VEPH1: variants seen among roughly 807,000 people sequenced by gnomAD.
VEPH1 encodes the protein ventricular zone expressed PH domain containing 1, also known as ventricular zone-expressed PH domain-containing protein homolog 1.
Under a neutral mutation model 85.2 loss-of-function variants are expected in VEPH1, and 80 were observed. That is an observed-to-expected ratio of 0.94 (90% confidence interval 0.78 to 1.13). The LOEUF (loss-of-function observed/expected upper bound fraction) is 1.13, where lower values mean the gene tolerates loss of function less well. Ranked by LOEUF, VEPH1 falls within the 50% of genes most tolerant of loss-of-function variation. VEPH1 has a pLI of 0.00. For synonymous variants in VEPH1, 297 were observed against 348.0 expected (o/e 0.85, Z 1.63); for missense variants, 955 against 980.5 (o/e 0.97, Z 0.35).
In VEPH1 at chr3:157,489,709, G is replaced by A. The variant is rs556286686; in HGVS notation, c.138+5503C>T. 7.9e-5 allele frequency among the ~76,000 whole-genome samples: 7 copies of A among 88,214 alleles called. No homozygotes were observed. In the South Asian group the frequency reaches 1.9e-3, roughly 24 times the overall value. The allele number at this position is 88,214 out of a possible 152,430, so 57.9% of individuals were successfully genotyped here. A position where few individuals can be genotyped will look rare whatever the true frequency, so the allele number is the denominator to read the frequency against. ...ACCCAATTAAATGGATGATGTCAGA[G>A]GGCTTTTTTTTTTTGTCTTTTTTGA... On this transcript the variant is annotated intron_variant, in intron 2 of 13. Coordinates refer to ENST00000362010, the MANE Select transcript of VEPH1 (RefSeq NM_001167912.2).
chr3:157,450,821 G>A (rs866113178), intron 4 of VEPH1, among the ~76,000 whole-genome samples: 5 of 152,030 alleles, frequency 3.3e-5, no homozygotes, highest in African/African-American at 7.2e-5. Flanking sequence ...AGGTCATTAC[G>A]CATTTATAAA....
At chr3:157,303,649 C>T (rs1045160318) in intron 11 of VEPH1, among the ~76,000 whole-genome samples, 37 of 152,300 alleles carry the variant, frequency 2.4e-4, no homozygotes, top group African/African-American at 7.7e-4. Context: ...CCACATTCCA[C>T]CTTCAATCTG....
intron 1 of VEPH1, among the ~76,000 whole-genome samples, chr3:157,496,988 A>G (rs956365532): frequency 1.3e-5 from 2 of 152,224 alleles, no homozygotes; most frequent in Admixed American, 1.3e-4. Flanking sequence ...TCATAACTAT[A>G]TGAAAATATG....
At chr3:157,481,467 A>ACACACACACAC (rs60293047) in intron 2 of VEPH1, among the ~76,000 whole-genome samples, 432 of 53,176 alleles carry the variant, frequency 8.1e-3, no homozygotes, top group African/African-American at 0.011. Flanking sequence ...CACACACACA[A>ACACACACACAC]AAAAAAAAAA....
At position 157,464,810 on chromosome 3, in the gene VEPH1, C is replaced by T. The variant is rs368253302; in HGVS notation, c.355-4455G>A. On this transcript the variant is annotated intron_variant, in intron 3 of 13. Coordinates refer to ENST00000362010, the MANE Select transcript of VEPH1 (RefSeq NM_001167912.2). ...ACTAAAAAGCTCTTTGGCTCTTAGG[C>T]CTTGAATTCAAGTAAGAACCATAAA... Among the ~76,000 whole-genome samples the T allele has an allele frequency of 5.6e-4, 85 of 152,018 alleles. 1 individual carries two copies. The highest frequency in any genetic ancestry group is 9.6e-4 in the Non-Finnish European group (65 of 67,986).
At chr3:157,471,234 T>C (rs188947946) in intron 2 of VEPH1, among the ~76,000 whole-genome samples, 1 of 152,302 alleles carries the variant, frequency 6.6e-6, no homozygotes, top group East Asian at 1.9e-4. Context: ...GACATCATCA[T>C]GTGAGATTAG....
At position 157,348,762 on chromosome 3, in the gene VEPH1, T is replaced by C. The variant is rs1377379970; in HGVS notation, c.1735+14602A>G. Among the ~76,000 whole-genome samples, 8 of 152,322 alleles carry C rather than the reference T, an allele frequency of 5.3e-5. No homozygotes were observed. The East Asian group carries it at 1.5e-3, about 29-fold the overall frequency. On this transcript the variant is annotated intron_variant, in intron 9 of 13. Transcript: ENST00000362010. ...ACTCCCCTGCTGCACTTCCGTGCTC[T>C]CCCTTCCACACTCCAGTCAAATTTT...
chr3:157,262,224 T>C (rs1713001487), intron 13 of VEPH1, among the ~76,000 whole-genome samples: 2 of 152,130 alleles, frequency 1.3e-5, no homozygotes, highest in Non-Finnish European at 2.9e-5. Context: ...ATTCCAACTA[T>C]TGACATCAGG....
chr3:157,330,183 A>G (rs1216574019), intron 9 of VEPH1, among the ~76,000 whole-genome samples: 1 of 152,224 alleles, frequency 6.6e-6, no homozygotes, highest in African/African-American at 2.4e-5. Context: ...TCTTTACATC[A>G]TAACAACTTC....
intron 9 of VEPH1, among the ~76,000 whole-genome samples, chr3:157,360,557 C>T (rs1725937867): frequency 6.6e-6 from 1 of 151,906 alleles, no homozygotes; most frequent in Admixed American, 6.6e-5. Context: ...GTTATGTCCC[C>T]ATAACCCCAT....
chr3:157,397,345 G>A (rs372586451), intron 6 of VEPH1, among the ~76,000 whole-genome samples: 40 of 152,310 alleles, frequency 2.6e-4, no homozygotes, highest in South Asian at 6.2e-4. Context: ...TTGTAGTACA[G>A]TTTGAAGTTG....
intron 6 of VEPH1, chr3:157,409,956 G>A: frequency 1.1e-5 from 11 of 982,490 alleles, no homozygotes; most frequent in Non-Finnish European, 1.3e-5. Context: ...GTCATAGATT[G>A]TATATTATAT....
rs995134013 is a variant in VEPH1, at chr3:157,409,589, G to T, written c.906+4292C>A. The T allele has an allele frequency of 5.9e-5, 58 of 980,988 alleles. No individual in the cohort carries two copies. The African/African-American group carries it at 9.1e-4, about 15-fold the overall frequency. The allele number at this position is 980,988 out of a possible 1,614,324, so 60.8% of individuals were successfully genotyped here. Reference sequence around the variant, plus strand: ...GAAAATAAGAATCTGTAGGATTTTGGTTTTTGTTTTATATATACAACTCTT... The same window carrying T: ...GAAAATAAGAATCTGTAGGATTTTGTTTTTTGTTTTATATATACAACTCTT... On this transcript the variant is annotated intron_variant, in intron 6 of 13. Transcript: ENST00000362010.
intron 2 of VEPH1, among the ~76,000 whole-genome samples, chr3:157,476,713 C>T (rs1737507396): frequency 6.6e-6 from 1 of 152,200 alleles, no homozygotes; most frequent in African/African-American, 2.4e-5. Flanking sequence ...GCCCAGTCAC[C>T]TCAGGTTCTT....
At chr3:157,381,027 A>T in intron 7 of VEPH1, 129 bp downstream of exon 7, 1 of 879,462 alleles carries the variant, frequency 1.1e-6, no homozygotes, top group Non-Finnish European at 1.8e-6. Flanking sequence ...GCCATAATTT[A>T]TACAGATATT....
In VEPH1 at chr3:157,363,490, T is replaced by C. The variant is rs141481693; in HGVS notation, c.1609A>G (p.Thr537Ala). ...TCTTGGTATTCTATAGGACTTGCAGTTGTCTCTGGAGTTTCTTCCTGGGAG... is the reference window on the plus strand; with the variant it reads ...TCTTGGTATTCTATAGGACTTGCAGCTGTCTCTGGAGTTTCTTCCTGGGAG... ...ENSQEETPET[T>A]ASPIEYQDKL... Residue 537 changes from threonine (T) to alanine (A), a missense_variant, in exon 9 of 14, where the codon ACT becomes GCT. Coordinates refer to ENST00000362010, the MANE Select transcript of VEPH1 (RefSeq NM_001167912.2). 4.9e-5 allele frequency: 79 copies of C among 1,614,066 alleles called. No homozygotes were observed. The highest frequency in any genetic ancestry group is 5.8e-5 in the Non-Finnish European group (68 of 1,180,030).
At chr3:157,474,170 C>A (rs919427522) in intron 2 of VEPH1, among the ~76,000 whole-genome samples, 1 of 152,106 alleles carries the variant, frequency 6.6e-6, no homozygotes, top group Non-Finnish European at 1.5e-5. Flanking sequence ...AGTGGCTCAA[C>A]AGAAGTGAAT....
rs142619016 is a variant in VEPH1, at chr3:157,396,641, G to C, written c.907-15265C>G. On this transcript the variant is annotated intron_variant, in intron 6 of 13. Transcript: ENST00000362010. ...TTTTTAATAATTGCCATTCTGACTG[G>C]TGTGAGATGATATCTCATTGTGGTT... Among the ~76,000 whole-genome samples the C allele has an allele frequency of 3.9e-3, 598 of 152,272 alleles. 10 individuals are homozygous for C. The East Asian group carries it at 0.044, about 11-fold the overall frequency.
At position 157,261,346 on chromosome 3, in the gene VEPH1, T is replaced by C. The variant is rs775460207; in HGVS notation, c.2290A>G (p.Ile764Val). 215 of 1,613,506 alleles carry C rather than the reference T, an allele frequency of 1.3e-4. No individual in the cohort carries two copies. The highest frequency in any genetic ancestry group is 1.7e-4 in the Non-Finnish European group (197 of 1,179,692). ...KSKDDPDDCP[I>V]ELSKVQSVKA... ...ACACTCTGTACTTTGCTGAGTTCTATTGGGCAGTCGTCAGGGTCATCTTTC... is the reference window on the plus strand; with the variant it reads ...ACACTCTGTACTTTGCTGAGTTCTACTGGGCAGTCGTCAGGGTCATCTTTC... The change falls in exon 14 of 14, where the codon ATA becomes GTA. Residue 764 changes from isoleucine to valine, a missense_variant. Transcript: ENST00000362010.
Sources: allele counts gnomAD v4.1 joint callset (sites outside exome capture counted in the v4.1 genomes callset), GRCh38; gene constraint gnomAD v4.1.1; transcripts MANE v1.5; gene names NCBI Gene and HGNC (gene_info 2026-07-23, HGNC 2026-07-21).